The following RGS10 variants were observed in gnomAD, a reference collection of about 807,000 sequenced individuals.
The protein encoded by RGS10 is regulator of G protein signaling 10, also known as regulator of G-protein signalling 10.
A neutral mutation model predicts 23.5 loss-of-function variants in RGS10; 11 were observed. The ratio of observed to expected loss-of-function variants is 0.47; its 90% CI spans 0.29 to 0.77. The LOEUF (loss-of-function observed/expected upper bound fraction) is 0.77. Ranked by LOEUF, RGS10 falls within the 30% of genes least tolerant of loss-of-function variation. The pLI is 0.08. For missense variants in RGS10, 180 were observed against 226.3 expected, an observed-to-expected ratio of 0.80 and a Z score of 1.31; for synonymous variants, 77 against 83.2, an observed-to-expected ratio of 0.92 and a Z score of 0.41.
chr10:119,523,007 AT>A (rs10707569), intron 3 of RGS10, among the ~76,000 whole-genome samples: 75,761 of 142,276 alleles, frequency 0.53, 21,195 homozygotes, highest in African/African-American at 0.75. Context: ...TGTCTAGCTA[AT>A]TTTTTTTTTT....
intron 1 of RGS10, among the ~76,000 whole-genome samples, chr10:119,536,954 A>G (rs1844394316): frequency 6.6e-6 from 1 of 152,182 alleles, no homozygotes; most frequent in Non-Finnish European, 1.5e-5. Context: ...ATTTCTTGAA[A>G]GCAAGGGCTG....
chr10:119,499,995 A>G lies in RGS10; in HGVS notation c.*118T>C, dbSNP rs900043340. The stretch of plus-strand genomic sequence containing the variant: ...AAGCAGTTAATAAAACACACATCCC[A>G]TTGAAGGGTTTTGTACATTTCAGTC... On this transcript the variant is annotated 3_prime_UTR_variant, in exon 5 of 5. Coordinates refer to ENST00000369103, the MANE Select transcript of RGS10 (RefSeq NM_001005339.2). The G allele has an allele frequency of 4.9e-6, 5 of 1,013,742 alleles. No homozygotes were observed. The African/African-American group carries it at 8.1e-5, about 16-fold the overall frequency. 62.8% of individuals were successfully genotyped at this position (1,013,742 alleles called of 1,614,324 possible).
rs73362889 is a variant in RGS10, at chr10:119,538,269, C to T, written c.49+4321G>A. On this transcript the variant is annotated intron_variant, in intron 1 of 4. Transcript: ENST00000369103. The surrounding 1 kb of genome is among the most constrained non-coding windows in gnomAD (Gnocchi z 4.5). Reference sequence around the variant, plus strand: ...TAAATGGTTGTTGTGTTTAGGTGGCCGTGGACTTGGGTCCAAGACTTGAGT... The same window carrying T: ...TAAATGGTTGTTGTGTTTAGGTGGCTGTGGACTTGGGTCCAAGACTTGAGT... Among the ~76,000 whole-genome samples, 6,454 of 152,246 alleles carry T rather than the reference C, an allele frequency of 0.042. 464 individuals carry two copies. Among genetic ancestry groups the T allele is most frequent in the African/African-American group, 0.14 (5,978 of 41,516 alleles).
At chr10:119,534,718 A>T (rs964227701) in intron 1 of RGS10, among the ~76,000 whole-genome samples, 1 of 150,816 alleles carries the variant, frequency 6.6e-6, no homozygotes, top group African/African-American at 2.4e-5. Flanking sequence ...CTGAAACCCC[A>T]TCTATACTAA....
At chr10:119,518,049 T>C (rs1170298025) in intron 3 of RGS10, among the ~76,000 whole-genome samples, 2 of 152,228 alleles carry the variant, frequency 1.3e-5, no homozygotes, top group Non-Finnish European at 2.9e-5. Flanking sequence ...GCCTGGTGTC[T>C]AGGCCGAGAA....
chr10:119,525,115 G>A (rs986980614), intron 3 of RGS10, among the ~76,000 whole-genome samples: 2 of 152,106 alleles, frequency 1.3e-5, no homozygotes, highest in African/African-American at 4.8e-5. Flanking sequence ...CTGGTTTCAC[G>A]TAAGGATCCA....
At chr10:119,526,003 GA>G in intron 3 of RGS10, 28 bp downstream of exon 3, 11 of 1,328,058 alleles carry the variant, frequency 8.3e-6, no homozygotes, top group South Asian at 4.2e-5. Context: ...CTTTATAAGG[GA>G]AAAAAATTAT....
chr10:119,527,503 T>C lies in RGS10; in HGVS notation c.50-79A>G. 1 of 1,111,040 alleles carries C rather than the reference T, an allele frequency of 9.0e-7. No individual in the cohort carries two copies. 68.8% of individuals were successfully genotyped at this position (1,111,040 alleles called of 1,614,324 possible). On this transcript the variant is annotated intron_variant, in intron 1 of 4. Coordinates refer to ENST00000369103, the MANE Select transcript of RGS10 (RefSeq NM_001005339.2). The surrounding 1 kb of genome is among the most constrained non-coding windows in gnomAD (Gnocchi z 4.2). ...GAAATCTGCATGCAATGGTCAGCAC[T>C]GCCGTCACCATCACGGCTGACATAC...
intron 4 of RGS10, among the ~76,000 whole-genome samples, chr10:119,501,431 C>T (rs113369970): frequency 1.5e-3 from 230 of 152,240 alleles, no homozygotes; most frequent in Non-Finnish European, 2.6e-3. Flanking sequence ...GTAAATTAAA[C>T]ATCTGAGGGT....
In RGS10 at chr10:119,536,391, AGCCCCTGCCCC is replaced by A. The variant is rs985857366; in HGVS notation, c.49+6188_49+6198del. On this transcript the variant is annotated intron_variant, in intron 1 of 4. Transcript: ENST00000369103. Reference sequence around the variant, plus strand: ...TGTGTCCTCACAGCACACTCTTCCCAGCCCCTGCCCCGCCCAGGGCCAAGGCGACAGGCAAA... The same window carrying A: ...TGTGTCCTCACAGCACACTCTTCCCAGCCCAGGGCCAAGGCGACAGGCAAA... The A allele has an allele frequency of 5.0e-6, 7 of 1,412,382 alleles. No homozygotes were observed. The Admixed American group carries it at 8.8e-5, about 18-fold the overall frequency. The allele number at this position is 1,412,382 out of a possible 1,614,324, so 87.5% of individuals were successfully genotyped here.
At chr10:119,508,802 G>C (rs1356925451) in intron 4 of RGS10, among the ~76,000 whole-genome samples, 1 of 152,158 alleles carries the variant, frequency 6.6e-6, no homozygotes, top group African/African-American at 2.4e-5. Context: ...AATAACTTAA[G>C]ATAATTTTAG....
At chr10:119,539,159 G>T (rs962338442) in intron 1 of RGS10, among the ~76,000 whole-genome samples, 2 of 152,148 alleles carry the variant, frequency 1.3e-5, no homozygotes, top group Non-Finnish European at 2.9e-5. Context: ...AAGGCCCTTC[G>T]GCTGGCCCCT....
chr10:119,541,130 G>A (rs1365520267), intron 1 of RGS10, among the ~76,000 whole-genome samples: 1 of 152,248 alleles, frequency 6.6e-6, no homozygotes, highest in Non-Finnish European at 1.5e-5. Flanking sequence ...CGGAGGCACA[G>A]AGAGATCAAG....
intron 4 of RGS10, among the ~76,000 whole-genome samples, chr10:119,507,774 G>A (rs890247426): frequency 2.6e-5 from 4 of 151,700 alleles, no homozygotes; most frequent in Non-Finnish European, 4.4e-5. Flanking sequence ...TAGTAGAGAC[G>A]GGGTTTCACC....
chr10:119,529,798 T>C (rs992872808), intron 1 of RGS10, among the ~76,000 whole-genome samples: 1 of 152,020 alleles, frequency 6.6e-6, no homozygotes, highest in African/African-American at 2.4e-5. Flanking sequence ...AACTTTTAAT[T>C]AAGAAATCAG....
chr10:119,527,358 G>A lies in RGS10; in HGVS notation c.116C>T (p.Ala39Val), dbSNP rs1158651601. 3.7e-6 allele frequency: 6 copies of A among 1,614,026 alleles called. No homozygotes were observed. Among genetic ancestry groups the A allele is most frequent in the African/African-American group, 2.7e-5 (2 of 74,924 alleles). Residue 39 changes from alanine to valine, a missense_variant, in exon 2 of 5, where the codon GCG (alanine) becomes GTG (valine). Coordinates refer to ENST00000369103, the MANE Select transcript of RGS10 (RefSeq NM_001005339.2). This position sits in a 1 kb window ranked among gnomAD's most constrained non-coding sequence, Gnocchi z 4.2. ...TTCCAGCAGATTCTCCAGGGATGCC[G>A]CCCATTTGGCTGTGCTCTTGAGGCT... ...HQSLKSTAKWAASLENLLEDP... is the reference protein window; with the variant it reads ...HQSLKSTAKWVASLENLLEDP...
At chr10:119,510,840 T>A (rs2133947858) in intron 4 of RGS10, among the ~76,000 whole-genome samples, 1 of 152,266 alleles carries the variant, frequency 6.6e-6, no homozygotes, top group Non-Finnish European at 1.5e-5. Flanking sequence ...TGCCTCAGCC[T>A]CCCGAGTAGC....
At chr10:119,523,558 G>A (rs1021453903) in intron 3 of RGS10, among the ~76,000 whole-genome samples, 3 of 152,092 alleles carry the variant, frequency 2.0e-5, no homozygotes, top group African/African-American at 4.8e-5. Context: ...CCAGCTACTC[G>A]GGAGGCTGAG....
intron 1 of RGS10, among the ~76,000 whole-genome samples, chr10:119,533,473 A>G (rs1339399578): frequency 1.3e-5 from 2 of 152,258 alleles, no homozygotes; most frequent in Non-Finnish European, 2.9e-5. Flanking sequence ...ATTAGAAGAA[A>G]TAAATACTCT....
Sources: gnomAD v4.1 joint callset for allele counts (sites outside exome capture counted in the v4.1 genomes callset) on GRCh38, gnomAD v4.1.1 for gene constraint, Gnocchi (gnomAD v3.1) non-coding constraint, MANE v1.5 for transcripts, NCBI Gene and HGNC (gene_info 2026-07-23, HGNC 2026-07-21) for gene names.